Variants in CLCN1 observed in about 807,000 individuals in gnomAD.
CLCN1 encodes the protein chloride channel protein 1.
Under a neutral mutation model 114.5 loss-of-function variants are expected in CLCN1, and 100 were observed. The observed-to-expected ratio is 0.87, with a 90% CI of 0.74 to 1.03. The LOEUF (loss-of-function observed/expected upper bound fraction) is 1.03. CLCN1 is among the 50% of genes least tolerant of loss of function. The probability of loss-of-function intolerance (pLI) is 0.00; values close to 1 mark genes in which losing one functional copy is unlikely to be tolerated. For synonymous variants in CLCN1, 485 were observed against 487.1 expected (o/e 1.00, Z 0.06); for missense variants, 1,188 against 1,250.0 (o/e 0.95, Z 0.75).
rs569630790 is a variant in CLCN1 at position 143,346,701 on chromosome 7, G to A, written c.2364+43G>A. 141 of 1,525,372 alleles carry A rather than the reference G, an allele frequency of 9.2e-5. 3 individuals carry two copies. In the South Asian group the frequency reaches 1.4e-3, roughly 15 times the overall value. 94.5% of individuals were successfully genotyped at this position (1,525,372 alleles called of 1,614,324 possible). A position where few individuals can be genotyped will look rare whatever the true frequency, so the allele number is the denominator to read the frequency against. ...TGGGGATACAGGGGAAAGGGAGCCT[G>A]CCCTTGAAGAGTGAGAAACCCACGG... is the stretch of plus-strand genomic sequence containing the variant. On this transcript the variant is annotated intron_variant, in intron 19 of 22. Coordinates refer to ENST00000343257, the MANE Select transcript of CLCN1 (RefSeq NM_000083.3).
chr7:143,345,479 G>A (rs1345895763), intron 16 of CLCN1, 42 bp from the exon 17 acceptor site: 2 of 1,498,734 alleles, frequency 1.3e-6, no homozygotes, highest in Non-Finnish European at 9.0e-7. Context: ...GGTGCGAGAG[G>A]GCTTGGAGGG....
chr7:143,332,322 T>G, intron 10 of CLCN1, 97 bp from the exon 11 acceptor site: 1 of 910,876 alleles, frequency 1.1e-6, no homozygotes. Flanking sequence ...GAAATGAGAC[T>G]ACGGTGGACT....
At position 143,351,538 on chromosome 7, in the gene CLCN1, C is replaced by T. The variant is rs557957120; in HGVS notation, c.2596-56C>T. ...TCTTTTCTGTGTCTCTCACTGCCCC[C>T]GTCTTTTTTCTTTTTCCAACTTTTT... On this transcript the variant is annotated intron_variant, in intron 22 of 22. Coordinates refer to ENST00000343257, the MANE Select transcript of CLCN1 (RefSeq NM_000083.3). 2.7e-5 allele frequency: 43 copies of T among 1,585,252 alleles called. No homozygotes were observed. In the African/African-American group the frequency reaches 4.2e-4, roughly 15 times the overall value.
chr7:143,342,506 G>T lies in CLCN1; in HGVS notation c.1930+1G>T. 6.2e-7 allele frequency: 1 copy of T among 1,614,142 alleles called. No individual in the cohort carries two copies. Among genetic ancestry groups the T allele is most frequent in the Admixed American group, 1.7e-5 (1 of 60,022 alleles). ...ACTTTACCACTGGTTGACTCAAAAG[G>T]TCAGTGGGGAGGAAGAAGTCGACTC... On this transcript the variant is annotated splice_donor_variant, in intron 16 of 22. Transcript: ENST00000343257. LOFTEE classifies it high-confidence loss of function.
intron 11 of CLCN1, 32 bp downstream of exon 11, chr7:143,332,535 G>T (rs775999103): frequency 6.4e-7 from 1 of 1,574,226 alleles, no homozygotes; most frequent in South Asian, 1.1e-5. Context: ...ATGGTAAAGA[G>T]GAAACAGCAC....
chr7:143,331,691 T>G (rs1264799961), intron 10 of CLCN1, 39 bp downstream of exon 10: 1 of 1,420,956 alleles, frequency 7.0e-7, no homozygotes, highest in Non-Finnish European at 1.0e-6. Context: ...CCATTTACTT[T>G]CTGGTTTCTC....
chr7:143,336,301 C>T (rs1263230481), intron 12 of CLCN1, among the ~76,000 whole-genome samples: 1 of 148,662 alleles, frequency 6.7e-6, no homozygotes, highest in Non-Finnish European at 1.5e-5. Context: ...TGTTTAAAAT[C>T]GTGGTAGTTC....
At chr7:143,346,825 G>T in intron 19 of CLCN1, 86 bp from the exon 20 acceptor site, 1 of 1,366,832 alleles carries the variant, frequency 7.3e-7, no homozygotes, top group South Asian at 1.2e-5. Context: ...TCCTGGCCAG[G>T]GAGGGATGGC....
chr7:143,333,105 CAT>C (rs796997584), intron 12 of CLCN1, among the ~76,000 whole-genome samples: 5 of 152,226 alleles, frequency 3.3e-5, no homozygotes, highest in African/African-American at 1.2e-4. Context: ...TGGAGACCAA[CAT>C]AGCCAACATA....
chr7:143,336,604 CAAAAAAAAAAAA>C (rs573516521), intron 12 of CLCN1, among the ~76,000 whole-genome samples: 1 of 80,428 alleles, frequency 1.2e-5, no homozygotes, highest in East Asian at 4.4e-4. Context: ...AAGACTCTGT[CAAAAAAAAAAAA>C]AAAAAAAAAG....
At chr7:143,347,339 G>A (rs1370719374) in intron 20 of CLCN1, among the ~76,000 whole-genome samples, 1 of 152,078 alleles carries the variant, frequency 6.6e-6, no homozygotes, top group African/African-American at 2.4e-5. Flanking sequence ...TAAAATGGGA[G>A]GCCGGGCATG....
rs1803265479 is a variant in CLCN1, at chr7:143,346,922, T to A, written c.2376T>A (p.Asp792Glu). The A allele has an allele frequency of 6.2e-7, 1 of 1,613,618 alleles. No individual in the cohort carries two copies. Among genetic ancestry groups the A allele is most frequent in the Non-Finnish European group, 8.5e-7 (1 of 1,179,554 alleles). The change falls in exon 20 of 23, where the codon GAT (aspartate) becomes GAA (glutamate). Residue 792 changes from aspartate to glutamate, a missense_variant. Coordinates refer to ENST00000343257, the MANE Select transcript of CLCN1 (RefSeq NM_000083.3). ...TKKKTTQDST[D>E]LVDNMSPEEI... is the part of the protein sequence containing the mutation. ...TCTTTCTTCTCTAGGATTCCACAGATTTAGTGGATAACATGTCACCTGAAG... is the reference window on the plus strand; with the variant it reads ...TCTTTCTTCTCTAGGATTCCACAGAATTAGTGGATAACATGTCACCTGAAG...
Position 143,330,826 on chromosome 7 carries a change from G to A in CLCN1, c.908G>A (p.Trp303Ter), listed in dbSNP as rs1229066957. 1.1e-5 allele frequency: 17 copies of A among 1,614,058 alleles called. No homozygotes were observed. The highest frequency in any genetic ancestry group is 1.4e-5 in the Non-Finnish European group (17 of 1,180,052). The change falls in exon 8 of 23, where the codon TGG becomes TAG. Residue 303 changes from tryptophan to a stop codon, truncating the protein, a stop_gained. Coordinates refer to ENST00000343257, the MANE Select transcript of CLCN1 (RefSeq NM_000083.3). LOFTEE classifies it high-confidence loss of function. ...TSTYFAVRNY[W>*]RGFFAATFSA... ...ACCTACTTTGCTGTTCGGAACTACT[G>A]GAGAGGATTCTTTGCAGCCACGTTC...
At chr7:143,342,233 A>G (rs1803099711) in intron 15 of CLCN1, 91 bp downstream of exon 15, 1 of 1,495,272 alleles carries the variant, frequency 6.7e-7, no homozygotes, top group Admixed American at 1.8e-5. Flanking sequence ...AAGTTTGGAA[A>G]CACTGTTTTA....
Position 143,319,763 on chromosome 7 carries a change from C to A in CLCN1, c.189C>A (p.Gly63=), listed in dbSNP as rs2116834513. Residue 63 remains glycine (G), a synonymous_variant, in exon 2 of 23, where the codon GGC becomes GGA. Transcript: ENST00000343257. The part of the protein sequence containing the change: ...RHNVHPTQIY[G]HHKEQFSDRE... ...ATTCTCTCTCTGTCCAGATTTATGG[C>A]CATCACAAAGAACAATTCTCAGACA... The A allele has an allele frequency of 6.2e-7, 1 of 1,613,788 alleles. No individual in the cohort carries two copies. The highest frequency in any genetic ancestry group is 1.7e-5 in the Admixed American group (1 of 60,024).
rs2103193 is a variant in CLCN1, at chr7:143,335,085, G to T, written c.1401+2212G>T. Among the ~76,000 whole-genome samples, 9 of 152,066 alleles carry T rather than the reference G, an allele frequency of 5.9e-5. No individual in the cohort carries two copies. The East Asian group carries it at 1.5e-3, about 26-fold the overall frequency. ...TGAGCTATACGGCAACATTGGCATC[G>T]TATGTACCTTTAAAATATCAAGATT... On this transcript the variant is annotated intron_variant, in intron 12 of 22. Coordinates refer to ENST00000343257, the MANE Select transcript of CLCN1 (RefSeq NM_000083.3).
intron 6 of CLCN1, chr7:143,323,998 T>A (rs912488316): frequency 7.5e-6 from 3 of 399,962 alleles, no homozygotes; most frequent in African/African-American, 6.2e-5. Context: ...AGGGAATGAC[T>A]GTGGATCACA....
chr7:143,324,428 C>A lies in CLCN1; in HGVS notation c.789C>A (p.Tyr263Ter). Reference protein sequence around the residue: ...FCGVYEQPYYYSDILTVGCAV... With the variant: ...FCGVYEQPYY ...TCCCCTAGTAGCAGCCATACTACTA[C>A]TCTGATATCCTGACGGTGGGCTGTG... Residue 263 changes from tyrosine to a stop codon, truncating the protein, a stop_gained, in exon 7 of 23, where the codon TAC becomes TAA. Coordinates refer to ENST00000343257, the MANE Select transcript of CLCN1 (RefSeq NM_000083.3). LOFTEE classifies it high-confidence loss of function. The surrounding 1 kb of genome is among the most constrained non-coding windows in gnomAD (Gnocchi z 4.6). The A allele has an allele frequency of 6.2e-7, 1 of 1,613,802 alleles. No homozygotes were observed. Among genetic ancestry groups the A allele is most frequent in the Non-Finnish European group, 8.5e-7 (1 of 1,179,858 alleles).
At chr7:143,349,390 C>G (rs989781865) in intron 20 of CLCN1, among the ~76,000 whole-genome samples, 2 of 152,104 alleles carry the variant, frequency 1.3e-5, no homozygotes. Context: ...CTATATAATG[C>G]CCTTTGGTGA....
Sources: gnomAD v4.1 joint callset for allele counts (sites outside exome capture counted in the v4.1 genomes callset) on GRCh38, gnomAD v4.1.1 for gene constraint, Gnocchi (gnomAD v3.1) non-coding constraint, MANE v1.5 for transcripts, NCBI Gene and HGNC (gene_info 2026-07-23, HGNC 2026-07-21) for gene names.